RANBP2: variants seen among roughly 807,000 people sequenced by gnomAD.
The protein encoded by RANBP2 is E3 SUMO-protein ligase RanBP2.
In RANBP2, 57 loss-of-function variants were observed where a neutral mutation model predicts 303.6. That is an observed-to-expected ratio of 0.19 (90% CI 0.15 to 0.23). The LOEUF is 0.23. Among genes scored for constraint, RANBP2 ranks in the 10% least tolerant of loss-of-function variants. The probability of loss-of-function intolerance (pLI) is 1.00; values close to 1 mark genes in which losing one functional copy is unlikely to be tolerated. For synonymous variants in RANBP2, 1,167 were observed against 1,301.5 expected (o/e 0.90, Z 2.23); for missense variants, 3,138 against 3,780.8 (o/e 0.83, Z 4.46).
chr2:109,234,346 G>A, the RANBP2 span, among the ~76,000 whole-genome samples: 2 of 152,184 alleles, frequency 1.3e-5, no homozygotes, highest in Non-Finnish European at 2.9e-5. Context: ...CTTTATTGCA[G>A]GATTCTTAGT....
At chr2:109,212,302 T>C in the RANBP2 span, among the ~76,000 whole-genome samples, 11 of 152,166 alleles carry the variant, frequency 7.2e-5, no homozygotes, top group African/African-American at 2.7e-4. Context: ...GTTGGCTCGC[T>C]ATGGAGGAGG....
chr2:109,189,202 C>T, the RANBP2 span, among the ~76,000 whole-genome samples: 5 of 151,978 alleles, frequency 3.3e-5, no homozygotes, highest in African/African-American at 7.2e-5. Flanking sequence ...CTGATACCCC[C>T]GAGATAGAGG....
the RANBP2 span, among the ~76,000 whole-genome samples, chr2:108,950,199 C>CCCTA: frequency 5.3e-5 from 8 of 150,514 alleles, no homozygotes; most frequent in Non-Finnish European, 1.2e-4. Flanking sequence ...TTCCTTCCCT[C>CCCTA]CCTACCTCCC....
At chr2:109,671,027 G>A in the RANBP2 span, among the ~76,000 whole-genome samples, 1 of 152,200 alleles carries the variant, frequency 6.6e-6, no homozygotes, top group African/African-American at 2.4e-5. Context: ...GAGGGTGGGT[G>A]TGAGTGCCTT....
At chr2:109,115,189 A>G in the RANBP2 span, among the ~76,000 whole-genome samples, 5 of 152,058 alleles carry the variant, frequency 3.3e-5, no homozygotes, top group Admixed American at 1.3e-4. Flanking sequence ...TATCCTTGTT[A>G]ACTTTCTGTC....
the RANBP2 span, among the ~76,000 whole-genome samples, chr2:108,931,748 T>C: frequency 5.9e-5 from 9 of 152,178 alleles, no homozygotes; most frequent in Non-Finnish European, 1.3e-4. Flanking sequence ...TGCTTGTTTT[T>C]TCACTTTCTG....
chr2:109,596,473 C>T, the RANBP2 span, among the ~76,000 whole-genome samples: 6 of 151,986 alleles, frequency 3.9e-5, no homozygotes, highest in African/African-American at 7.2e-5. Context: ...AAAAATTAGC[C>T]GAGCGTGCTG....
the RANBP2 span, among the ~76,000 whole-genome samples, chr2:109,270,580 C>T: frequency 6.6e-6 from 1 of 152,150 alleles, no homozygotes; most frequent in Non-Finnish European, 1.5e-5. Flanking sequence ...CGTTTCAGGT[C>T]AAAGCGGACT....
At chr2:108,795,739 G>A in the RANBP2 span, among the ~76,000 whole-genome samples, 1 of 152,170 alleles carries the variant, frequency 6.6e-6, no homozygotes, top group African/African-American at 2.4e-5. Flanking sequence ...GGGCATTCCA[G>A]GTGTAAGGAA....
chr2:108,776,208 T>G (rs1212833464), intron 24 of RANBP2, among the ~76,000 whole-genome samples: 1 of 152,180 alleles, frequency 6.6e-6, no homozygotes, highest in East Asian at 1.9e-4. Flanking sequence ...ACAATAGTGT[T>G]GTTACATGTA....
chr2:108,790,015 A>G (rs759630543), downstream of RANBP2, among the ~76,000 whole-genome samples: 1 of 152,216 alleles, frequency 6.6e-6, no homozygotes, highest in Non-Finnish European at 1.5e-5. Flanking sequence ...AAGTATCTGT[A>G]TGTTACATAA....
At chr2:109,453,396 T>G in the RANBP2 span, among the ~76,000 whole-genome samples, 1 of 152,228 alleles carries the variant, frequency 6.6e-6, no homozygotes, top group African/African-American at 2.4e-5. Context: ...ATTTTGTGCT[T>G]GAAACAACCA....
chr2:108,938,917 C>A, the RANBP2 span, among the ~76,000 whole-genome samples: 1 of 151,504 alleles, frequency 6.6e-6, no homozygotes, highest in Non-Finnish European at 1.5e-5. Context: ...GTAGCTGCGA[C>A]TACAGGCACC....
the RANBP2 span, among the ~76,000 whole-genome samples, chr2:109,726,609 C>T: frequency 6.6e-6 from 1 of 152,142 alleles, no homozygotes; most frequent in African/African-American, 2.4e-5. Context: ...GCTGCATGAT[C>T]CTGGTCAGCT....
At chr2:108,852,484 A>G in the RANBP2 span, among the ~76,000 whole-genome samples, 1 of 152,238 alleles carries the variant, frequency 6.6e-6, no homozygotes, top group Non-Finnish European at 1.5e-5. Flanking sequence ...CACAATAGCA[A>G]AGTCACGGAA....
the RANBP2 span, chr2:108,794,867 A>G: frequency 1.6e-6 from 1 of 636,130 alleles, no homozygotes; most frequent in Non-Finnish European, 2.6e-6. Context: ...AACTCAAATT[A>G]TAGGGACTAA....
At chr2:109,609,493 G>C in the RANBP2 span, among the ~76,000 whole-genome samples, 6 of 152,024 alleles carry the variant, frequency 3.9e-5, no homozygotes, top group African/African-American at 1.4e-4. Flanking sequence ...GAAGCAGCCT[G>C]GCTGCCAGGG....
At chr2:108,822,129 C>T in the RANBP2 span, among the ~76,000 whole-genome samples, 1 of 151,880 alleles carries the variant, frequency 6.6e-6, no homozygotes, top group Non-Finnish European at 1.5e-5. Context: ...CAATCCTTGT[C>T]AATGGTCTCC....
the RANBP2 span, among the ~76,000 whole-genome samples, chr2:109,347,351 C>G: frequency 3.9e-5 from 6 of 152,072 alleles, no homozygotes; most frequent in African/African-American, 1.4e-4. Flanking sequence ...CCTCAGTGTC[C>G]CCATCTGTAA....
Sources: allele counts gnomAD v4.1 joint callset (sites outside exome capture counted in the v4.1 genomes callset), GRCh38; gene constraint gnomAD v4.1.1; transcripts MANE v1.5; gene names NCBI Gene and HGNC (gene_info 2026-07-23, HGNC 2026-07-21).